Variants in TIAM2 observed in about 807,000 individuals in gnomAD.
The protein encoded by TIAM2 is rho guanine nucleotide exchange factor TIAM2.
Under a neutral mutation model 152.9 loss-of-function variants are expected in TIAM2, and 80 were observed. The observed-to-expected ratio is 0.52, with a 90% CI of 0.44 to 0.63. TIAM2 has a LOEUF of 0.63. TIAM2 is among the 30% of genes least tolerant of loss of function. TIAM2 has a pLI of 0.00. For synonymous variants in TIAM2, 804 were observed against 838.0 expected, an observed-to-expected ratio of 0.96 and a Z score of 0.70; for missense variants, 1,965 against 2,120.1, an observed-to-expected ratio of 0.93 and a Z score of 1.44.
In TIAM2 at chr6:155,218,677, T is replaced by C. The variant is rs561138650; in HGVS notation, c.3168+7370T>C. On this transcript the variant is annotated intron_variant, in intron 15 of 26. Coordinates refer to ENST00000682666, the MANE Select transcript of TIAM2 (RefSeq NM_012454.4). This position sits in a 1 kb window ranked among gnomAD's most constrained non-coding sequence, Gnocchi z 4.5. ...CATGTATACGTGTGTGTGTGAAGGTTTTCCCTGTTGCTCACCTAATGGCCT... is the reference window on the plus strand; with the variant it reads ...CATGTATACGTGTGTGTGTGAAGGTCTTCCCTGTTGCTCACCTAATGGCCT... Among the ~76,000 whole-genome samples the C allele has an allele frequency of 6.6e-6, 1 of 152,328 alleles. No homozygotes were observed. Among genetic ancestry groups the C allele is most frequent in the African/African-American group, 2.4e-5 (1 of 41,572 alleles).
intron 9 of TIAM2, among the ~76,000 whole-genome samples, chr6:155,171,284 T>C (rs927971944): frequency 6.6e-6 from 1 of 152,206 alleles, no homozygotes; most frequent in African/African-American, 2.4e-5. Context: ...CACTTTGGCT[T>C]GCCAAAAATG....
intron 14 of TIAM2, among the ~76,000 whole-genome samples, chr6:155,199,140 A>G (rs540851638): frequency 5.1e-4 from 77 of 151,952 alleles, no homozygotes; most frequent in Non-Finnish European, 1.0e-3. Context: ...AAATGGTGCG[A>G]TCTCGGTTCA....
Position 155,256,993 on chromosome 6 carries a change from G to A in TIAM2, c.4978G>A (p.Asp1660Asn), listed in dbSNP as rs1438594040. 2 of 1,614,054 alleles carry A rather than the reference G, an allele frequency of 1.2e-6. No individual in the cohort carries two copies. The highest frequency in any genetic ancestry group is 1.7e-5 in the Admixed American group (1 of 59,998). The change falls in exon 27 of 27, where the codon GAC becomes AAC. Residue 1660 changes from aspartate to asparagine, a missense_variant. Asp to Asn is a conservative substitution (Grantham distance 23). Coordinates refer to ENST00000682666, the MANE Select transcript of TIAM2 (RefSeq NM_012454.4). ...LKAQIRHQSL[D>N]SQSENATIDL... is the part of the protein sequence containing the mutation. ...GGCGCAGATCCGTCACCAGTCCCTT[G>A]ACAGTCAGTCTGAAAATGCCACCAT...
At chr6:155,027,294 G>C (rs1309567365) in intron 1 of TIAM2, among the ~76,000 whole-genome samples, 1 of 149,546 alleles carries the variant, frequency 6.7e-6, no homozygotes, top group Non-Finnish European at 1.5e-5. Context: ...CCAAAGTGTT[G>C]GGATTACAGG....
In TIAM2 at chr6:155,186,281, G is replaced by A. The variant is rs1447471179; in HGVS notation, c.3064+2781G>A. ...CAGGGAGTTCTGGGCTTTGGTGGAT[G>A]CTACCCCAGCCTCTTTACCCTGGTG... On this transcript the variant is annotated intron_variant, in intron 14 of 26. Transcript: ENST00000682666. This position sits in a 1 kb window ranked among gnomAD's most constrained non-coding sequence, Gnocchi z 4.5. 6.6e-6 allele frequency among the ~76,000 whole-genome samples: 1 copy of A among 152,160 alleles called. No homozygotes were observed. The highest frequency in any genetic ancestry group is 1.5e-5 in the Non-Finnish European group (1 of 68,028).
intron 1 of TIAM2, among the ~76,000 whole-genome samples, chr6:155,008,795 T>C (rs1778440122): frequency 6.6e-6 from 1 of 152,162 alleles, no homozygotes; most frequent in African/African-American, 2.4e-5. Context: ...ATGTTTGTAT[T>C]GTGAGAAAAG....
In TIAM2 at chr6:155,094,755, T is replaced by A. The variant is rs190086381; in HGVS notation, c.-118+4376T>A. On this transcript the variant is annotated intron_variant, in intron 2 of 26. Coordinates refer to ENST00000682666, the MANE Select transcript of TIAM2 (RefSeq NM_012454.4). ...TTTTTTTTGTTTTTTTGTTTTTTTG[T>A]TTTTTTTTGTAGAGATGAGGTTTCA... 7.0e-4 allele frequency among the ~76,000 whole-genome samples: 105 copies of A among 149,418 alleles called. 4 individuals carry two copies. The East Asian group carries it at 0.019, about 27-fold the overall frequency.
intron 5 of TIAM2, among the ~76,000 whole-genome samples, chr6:155,138,258 A>G (rs1779602946): frequency 6.6e-6 from 1 of 152,220 alleles, no homozygotes; most frequent in Admixed American, 6.5e-5. Flanking sequence ...AACCAAAGGT[A>G]GTTTAGTTGT....
At chr6:155,083,704 A>G (rs761733244) in intron 1 of TIAM2, among the ~76,000 whole-genome samples, 1 of 152,214 alleles carries the variant, frequency 6.6e-6, no homozygotes, top group Non-Finnish European at 1.5e-5. Context: ...TTGTCTGTCA[A>G]CTGGATGAGG....
intron 2 of TIAM2, among the ~76,000 whole-genome samples, chr6:155,114,400 G>A (rs1476612459): frequency 3.3e-5 from 5 of 151,706 alleles, no homozygotes; most frequent in African/African-American, 1.2e-4. Context: ...AAATTACTTA[G>A]CATTAAATGA....
intron 1 of TIAM2, among the ~76,000 whole-genome samples, chr6:155,083,854 G>A (rs1471118394): frequency 6.6e-6 from 1 of 152,212 alleles, no homozygotes; most frequent in Non-Finnish European, 1.5e-5. Flanking sequence ...GGCAACAGAT[G>A]ACATACGAAA....
chr6:154,995,772 T>C lies in TIAM2; in HGVS notation c.-209+280T>C, dbSNP rs1318836969. On this transcript the variant is annotated intron_variant, in intron 1 of 26. Coordinates refer to ENST00000682666, the MANE Select transcript of TIAM2 (RefSeq NM_012454.4). The surrounding 1 kb of genome is among the most constrained non-coding windows in gnomAD (Gnocchi z 5.2). ...AAGGCTCTGAAACTAGGTCCCCTGGTCCCCTCGCGCTGCGCGACACGCCAG... is the reference window on the plus strand; with the variant it reads ...AAGGCTCTGAAACTAGGTCCCCTGGCCCCCTCGCGCTGCGCGACACGCCAG... Among the ~76,000 whole-genome samples the C allele has an allele frequency of 2.0e-5, 3 of 152,068 alleles. No individual in the cohort carries two copies. Among genetic ancestry groups the C allele is most frequent in the African/African-American group, 7.2e-5 (3 of 41,414 alleles).
intron 1 of TIAM2, among the ~76,000 whole-genome samples, chr6:155,007,713 G>T: frequency 6.6e-6 from 1 of 152,086 alleles, no homozygotes. Flanking sequence ...TTCTATTTCA[G>T]TTTACCATGT....
chr6:155,138,678 A>C (rs1350584986), intron 5 of TIAM2, among the ~76,000 whole-genome samples: 2 of 152,108 alleles, frequency 1.3e-5, no homozygotes, highest in Admixed American at 1.3e-4. Flanking sequence ...GAGTGAGAAC[A>C]TGCGGTGTTT....
chr6:155,029,858 T>A (rs1776790239), intron 1 of TIAM2, among the ~76,000 whole-genome samples: 1 of 151,338 alleles, frequency 6.6e-6, no homozygotes, highest in Non-Finnish European at 1.5e-5. Context: ...AGTGGTGTGA[T>A]CGCGGCTCAC....
intron 1 of TIAM2, among the ~76,000 whole-genome samples, chr6:155,028,814 AAT>A (rs1316594247): frequency 7.4e-6 from 1 of 135,086 alleles, no homozygotes; most frequent in Non-Finnish European, 1.5e-5. Context: ...TACTATATAT[AAT>A]ATATATACTG....
intron 7 of TIAM2, among the ~76,000 whole-genome samples, chr6:155,157,607 G>A (rs1201076744): frequency 6.6e-6 from 1 of 152,082 alleles, no homozygotes; most frequent in Non-Finnish European, 1.5e-5. Context: ...GCACCCAGAC[G>A]AGAAGTACAT....
chr6:155,076,790 G>A (rs1265656072), intron 1 of TIAM2, among the ~76,000 whole-genome samples: 2 of 152,194 alleles, frequency 1.3e-5, no homozygotes, highest in African/African-American at 4.8e-5. Flanking sequence ...CCACCTCCCA[G>A]GTTCAAGCGA....
At chr6:155,068,607 C>CCCG (rs201502237) in intron 1 of TIAM2, among the ~76,000 whole-genome samples, 14 of 150,520 alleles carry the variant, frequency 9.3e-5, no homozygotes, top group South Asian at 6.5e-4. Flanking sequence ...CACCCGCCCC[C>CCCG]CCATCACGTC....
Sources: allele counts gnomAD v4.1 joint callset (sites outside exome capture counted in the v4.1 genomes callset), GRCh38; gene constraint gnomAD v4.1.1; non-coding constraint Gnocchi (gnomAD v3.1); transcripts MANE v1.5; gene names NCBI Gene and HGNC (gene_info 2026-07-23, HGNC 2026-07-21).